CYP4Z1: variants seen among roughly 807,000 people sequenced by gnomAD.
The protein encoded by CYP4Z1 is cytochrome P450 family 4 subfamily Z member 1, also known as cytochrome P450 4Z1.
A neutral mutation model predicts 54.2 loss-of-function variants in CYP4Z1; 41 were observed. The ratio of observed to expected loss-of-function variants is 0.76; its 90% CI spans 0.59 to 0.98. CYP4Z1 has a LOEUF of 0.98. CYP4Z1 is among the 50% of genes least tolerant of loss of function. CYP4Z1 has a pLI of 0.00. For missense variants in CYP4Z1, 513 were observed against 599.0 expected (o/e 0.86, Z 1.50); for synonymous variants, 163 against 206.2 (o/e 0.79, Z 1.79).
intron 8 of CYP4Z1, among the ~76,000 whole-genome samples, chr1:47,101,673 C>A (rs1644722601): frequency 6.6e-6 from 1 of 152,038 alleles, no homozygotes; most frequent in Non-Finnish European, 1.5e-5. Context: ...AACATACAGT[C>A]TATACTGGAA....
At chr1:47,057,627 G>A in the CYP4Z1 span, among the ~76,000 whole-genome samples, 31 of 149,548 alleles carry the variant, frequency 2.1e-4, no homozygotes, top group African/African-American at 7.1e-4. Flanking sequence ...ATACTTCTAA[G>A]TTTTAGACTT....
chr1:47,109,428 C>T (rs1644777929), intron 9 of CYP4Z1, among the ~76,000 whole-genome samples: 1 of 152,086 alleles, frequency 6.6e-6, no homozygotes, highest in Non-Finnish European at 1.5e-5. Flanking sequence ...GGCTGAGCTA[C>T]TTTAGGAAAA....
At chr1:47,095,786 T>C (rs1345534593) in intron 7 of CYP4Z1, among the ~76,000 whole-genome samples, 1 of 152,162 alleles carries the variant, frequency 6.6e-6, no homozygotes, top group East Asian at 1.9e-4. Context: ...GGTCCAAATC[T>C]CATGCCATTT....
chr1:47,104,980 G>T (rs1569748809), intron 8 of CYP4Z1, among the ~76,000 whole-genome samples: 1 of 152,170 alleles, frequency 6.6e-6, no homozygotes, highest in East Asian at 1.9e-4. Flanking sequence ...GCACGATCTA[G>T]GCTCACCACA....
chr1:47,061,344 G>C, the CYP4Z1 span, among the ~76,000 whole-genome samples: 26 of 152,220 alleles, frequency 1.7e-4, no homozygotes, highest in African/African-American at 6.3e-4. Flanking sequence ...AAATAACAAA[G>C]AGGATGCTAC....
At chr1:47,109,364 C>T (rs1644777529) in intron 9 of CYP4Z1, among the ~76,000 whole-genome samples, 2 of 152,082 alleles carry the variant, frequency 1.3e-5, no homozygotes, top group Admixed American at 1.3e-4. Context: ...GGTGGCTCTA[C>T]TTTTTAATCC....
intron 7 of CYP4Z1, chr1:47,096,923 C>A: frequency 6.6e-6 from 1 of 152,428 alleles, no homozygotes. Context: ...AGCCACTGTG[C>A]CTGGCCTCAT....
In CYP4Z1 at chr1:47,084,622, C is replaced by G; in HGVS notation, c.495C>G (p.Asn165Lys). ...ATGATATTCATCCCCTGCCCCAGAA[C>G]AAATGGGAGGAACACATTGCCCAAA... is the stretch of plus-strand genomic sequence containing the variant. ...MMSESVRMML[N>K]KWEEHIAQNS... The change falls in exon 5 of 12, where the codon AAC becomes AAG. Residue 165 changes from asparagine to lysine, a missense_variant and splice_region_variant. By Grantham distance (94) the Asn-to-Lys change is moderately conservative. Transcript: ENST00000334194. 6.3e-7 allele frequency: 1 copy of G among 1,590,784 alleles called. No individual in the cohort carries two copies. The highest frequency in any genetic ancestry group is 8.5e-7 in the Non-Finnish European group (1 of 1,170,356).
At chr1:47,089,077 A>C (rs1285957423) in intron 6 of CYP4Z1, among the ~76,000 whole-genome samples, 1 of 149,142 alleles carries the variant, frequency 6.7e-6, no homozygotes, top group African/African-American at 2.5e-5. Context: ...TTTTCTATTT[A>C]ACCGATTTTT....
At chr1:47,096,076 A>G (rs1644674536) in intron 7 of CYP4Z1, among the ~76,000 whole-genome samples, 1 of 152,176 alleles carries the variant, frequency 6.6e-6, no homozygotes, top group African/African-American at 2.4e-5. Context: ...AATGAGGTGG[A>G]TTTGGAAGTG....
intron 6 of CYP4Z1, among the ~76,000 whole-genome samples, chr1:47,088,777 C>T (rs1300900403): frequency 3.0e-4 from 40 of 132,948 alleles, no homozygotes; most frequent in African/African-American, 1.1e-3. Flanking sequence ...CCACCACACC[C>T]GGCTAAATAT....
chr1:47,084,828 C>G lies in CYP4Z1; in HGVS notation c.622C>G (p.Leu208Val). 1 of 1,531,746 alleles carries G rather than the reference C, an allele frequency of 6.5e-7. No individual in the cohort carries two copies. Among genetic ancestry groups the G allele is most frequent in the South Asian group, 1.3e-5 (1 of 75,250 alleles). 94.9% of individuals were successfully genotyped at this position (1,531,746 alleles called of 1,614,324 possible). ...HQGSIQLDST[L>V]DSYLKAVFNL... ...GTTCCATCTTCCCTATTCCAGTACC[C>G]TGGACTCATACCTGAAAGCAGTGTT... The change falls in exon 6 of 12, where the codon CTG becomes GTG. Residue 208 changes from leucine to valine, a missense_variant. Coordinates refer to ENST00000334194, the MANE Select transcript of CYP4Z1 (RefSeq NM_178134.3).
At chr1:47,077,455 C>A (rs1207539622) in intron 2 of CYP4Z1, among the ~76,000 whole-genome samples, 1 of 152,050 alleles carries the variant, frequency 6.6e-6, no homozygotes, top group East Asian at 1.9e-4. Flanking sequence ...TTTGTTTCTT[C>A]AGATCTAAAG....
At chr1:47,076,538 C>A (rs1644522658) in intron 2 of CYP4Z1, among the ~76,000 whole-genome samples, 2 of 152,016 alleles carry the variant, frequency 1.3e-5, no homozygotes, top group South Asian at 2.1e-4. Flanking sequence ...TTCCTTGTCC[C>A]TTTGGTTGTT....
At chr1:47,085,079 T>C (rs1409868470) in intron 6 of CYP4Z1, 101 bp downstream of exon 6, 1 of 595,472 alleles carries the variant, frequency 1.7e-6, no homozygotes, top group Non-Finnish European at 3.0e-6. Context: ...ACATATGGCA[T>C]GGTCATCATT....
intron 9 of CYP4Z1, among the ~76,000 whole-genome samples, chr1:47,107,533 C>T (rs1031763610): frequency 1.3e-5 from 2 of 151,946 alleles, no homozygotes; most frequent in Admixed American, 6.6e-5. Context: ...CATAATATTC[C>T]GCCCACCTAG....
chr1:47,065,163 A>C (rs182956466), upstream of CYP4Z1, among the ~76,000 whole-genome samples: 65 of 152,296 alleles, frequency 4.3e-4, no homozygotes, highest in Non-Finnish European at 2.9e-4. Context: ...GACCTAAACT[A>C]TACCCTACAA....
chr1:47,064,821 G>A (rs867868068), upstream of CYP4Z1, among the ~76,000 whole-genome samples: 1 of 152,064 alleles, frequency 6.6e-6, no homozygotes, highest in Non-Finnish European at 1.5e-5. Context: ...AACACATAAG[G>A]ACTGACATGA....
At chr1:47,106,328 C>G (rs1289439919) in intron 9 of CYP4Z1, 67 bp downstream of exon 9, 13 of 1,516,724 alleles carry the variant, frequency 8.6e-6, no homozygotes, top group Middle Eastern at 1.7e-4. Flanking sequence ...TTAACATACT[C>G]ATGTCTTTAA....
Sources: gnomAD v4.1 joint callset for allele counts (sites outside exome capture counted in the v4.1 genomes callset) on GRCh38, gnomAD v4.1.1 for gene constraint, MANE v1.5 for transcripts, NCBI Gene and HGNC (gene_info 2026-07-23, HGNC 2026-07-21) for gene names.